ANTXRL: variants seen among roughly 807,000 people sequenced by gnomAD.
ANTXRL encodes anthrax toxin receptor-like.
ANTXRL carries 63 observed loss-of-function variants against 75.4 expected under a neutral mutation model. That is an observed-to-expected ratio of 0.84 (90% confidence interval 0.68 to 1.03). ANTXRL has a LOEUF of 1.03. ANTXRL is among the 50% of genes least tolerant of loss of function. ANTXRL has a pLI of 0.00. For missense variants in ANTXRL, 797 were observed against 789.4 expected, an observed-to-expected ratio of 1.01 and a Z score of -0.12; for synonymous variants, 335 against 291.3, an observed-to-expected ratio of 1.15 and a Z score of -1.53.
At chr10:46,293,273 TGTGTGA>T (rs1179147970) in intron 2 of ANTXRL, among the ~76,000 whole-genome samples, 14 of 95,158 alleles carry the variant, frequency 1.5e-4, no homozygotes, top group African/African-American at 4.5e-4. Flanking sequence ...TACCTGTGCG[TGTGTGA>T]GAGTGTGTGC....
chr10:46,298,613 G>A (rs1171122846), intron 9 of ANTXRL, among the ~76,000 whole-genome samples: 4 of 151,690 alleles, frequency 2.6e-5, no homozygotes, highest in African/African-American at 7.3e-5. Flanking sequence ...GTGGAAGGCT[G>A]CTGGTGTGTG....
Position 46,302,828 on chromosome 10 carries a change from G to T in ANTXRL, c.895+8G>T, listed in dbSNP as rs1190327582. ...ATGAAAGCACTATCATTGGTAAGTT[G>T]TCTCCTCTGTGCCTCTGAGTCACGT... On this transcript the variant is annotated splice_region_variant and intron_variant, in intron 10 of 16. Transcript: ENST00000620264. The T allele has an allele frequency of 7.9e-6, 12 of 1,519,554 alleles. No individual in the cohort carries two copies. The highest frequency in any genetic ancestry group is 1.4e-5 in the African/African-American group (1 of 72,562). The allele number at this position is 1,519,554 out of a possible 1,614,324, so 94.1% of individuals were successfully genotyped here. A position where few individuals can be genotyped will look rare whatever the true frequency, so the allele number is the denominator to read the frequency against.
chr10:46,319,315 A>G (rs1222754122), intron 16 of ANTXRL, among the ~76,000 whole-genome samples: 1 of 152,180 alleles, frequency 6.6e-6, no homozygotes, highest in Non-Finnish European at 1.5e-5. Context: ...ACAAGTCACA[A>G]CATCATGCCA....
rs1429955523 is a variant in ANTXRL, at chr10:46,329,811, G to C, written c.1623G>C (p.Arg541Ser). 1 of 1,532,530 alleles carries C rather than the reference G, an allele frequency of 6.5e-7. No homozygotes were observed. The highest frequency in any genetic ancestry group is 8.7e-7 in the Non-Finnish European group (1 of 1,145,692). The allele number at this position is 1,532,530 out of a possible 1,614,324, so 94.9% of individuals were successfully genotyped here. The change falls in exon 17 of 17, where the codon AGG becomes AGC. Residue 541 changes from arginine (R) to serine (S), a missense_variant. Arg to Ser is a moderately radical substitution (Grantham distance 110). Around this residue, in one of 3 missense-constraint regions of ANTXRL, gnomAD observed 479 missense variants for 422.0 expected, o/e 1.14. Transcript: ENST00000620264. ...NICLRHSQHS[R>S]ECLARKQAPC... Reference sequence around the variant, plus strand: ...GCCTGAGACACAGCCAACACAGCAGGGAGTGCCTTGCCCGCAAACAGGCTC... The same window carrying C: ...GCCTGAGACACAGCCAACACAGCAGCGAGTGCCTTGCCCGCAAACAGGCTC...
chr10:46,307,528 C>A, intron 12 of ANTXRL, 48 bp downstream of exon 12: 1 of 1,468,220 alleles, frequency 6.8e-7, no homozygotes, highest in Non-Finnish European at 9.2e-7. Flanking sequence ...CTGTCCAGAG[C>A]CTCTGCACTA....
In ANTXRL at chr10:46,293,893, T is replaced by G. The variant is rs1442434139; in HGVS notation, c.385T>G (p.Ser129Ala). ...TDGQTVLPLT[S>A]DKNRIKNGLD... Reference sequence around the variant, plus strand: ...CGGCCAGACTGTCTTGCCACTCACCTCAGACAAGTGAGTGCTGCTTTGAGC... The same window carrying G: ...CGGCCAGACTGTCTTGCCACTCACCGCAGACAAGTGAGTGCTGCTTTGAGC... Residue 129 changes from serine to alanine, a missense_variant, in exon 3 of 17, where the codon TCA (serine) becomes GCA (alanine). Physicochemically the swap from Ser to Ala is moderately conservative, Grantham distance 99. This residue lies in a region of ANTXRL where 262 missense variants were observed against 271.9 expected (regional missense o/e 0.96). Coordinates refer to ENST00000620264, the MANE Select transcript of ANTXRL (RefSeq NM_001278688.3). 82 of 1,535,392 alleles carry G rather than the reference T, an allele frequency of 5.3e-5. No homozygotes were observed. The highest frequency in any genetic ancestry group is 1.7e-4 in the Middle Eastern group (1 of 6,004).
At position 46,296,107 on chromosome 10, in the gene ANTXRL, AC is replaced by A; in HGVS notation, c.474+11del. ...GCAGGCAGGATTTAGAAAGGTATAGACCCCTTGATCTCCTAACCCTAACCCT... is the reference window on the plus strand; with the variant it reads ...GCAGGCAGGATTTAGAAAGGTATAGACCCTTGATCTCCTAACCCTAACCCT... On this transcript the variant is annotated splice_region_variant and intron_variant, in intron 4 of 16. Coordinates refer to ENST00000620264, the MANE Select transcript of ANTXRL (RefSeq NM_001278688.3). 3 of 1,535,568 alleles carry A rather than the reference AC, an allele frequency of 2.0e-6. No homozygotes were observed. Among genetic ancestry groups the A allele is most frequent in the Non-Finnish European group, 2.6e-6 (3 of 1,146,670 alleles).
At chr10:46,318,466 G>T (rs1326731834) in intron 16 of ANTXRL, among the ~76,000 whole-genome samples, 1 of 152,022 alleles carries the variant, frequency 6.6e-6, no homozygotes, top group Admixed American at 6.5e-5. Context: ...AAATTGTAAT[G>T]AAACATTTTT....
rs1323645073 is a variant in ANTXRL, at chr10:46,310,594, T to A, written c.1173+95T>A. 9.1e-6 allele frequency: 12 copies of A among 1,318,830 alleles called. No homozygotes were observed. The African/African-American group carries it at 1.3e-4, about 14-fold the overall frequency. 81.7% of individuals were successfully genotyped at this position (1,318,830 alleles called of 1,614,324 possible). On this transcript the variant is annotated intron_variant, in intron 14 of 16. Coordinates refer to ENST00000620264, the MANE Select transcript of ANTXRL (RefSeq NM_001278688.3). ...TGAAGCCTGCGCCCCATGATCTCCA[T>A]CTGCTTGAGCAGAGAAGTTGACAGA...
intron 10 of ANTXRL, among the ~76,000 whole-genome samples, chr10:46,304,676 C>T (rs1446256281): frequency 1.3e-5 from 2 of 152,160 alleles, no homozygotes; most frequent in Admixed American, 6.5e-5. Context: ...ACAAATGACT[C>T]CATTTTAATT....
At chr10:46,329,571 G>GA in intron 16 of ANTXRL, 28 bp from the exon 17 acceptor site, 1 of 1,528,014 alleles carries the variant, frequency 6.5e-7, no homozygotes, top group South Asian at 1.2e-5. Flanking sequence ...CCATCACGGT[G>GA]ACCTTCTCTC....
intron 9 of ANTXRL, among the ~76,000 whole-genome samples, chr10:46,302,469 G>C (rs1480174551): frequency 6.6e-6 from 1 of 152,152 alleles, no homozygotes; most frequent in African/African-American, 2.4e-5. Context: ...TTTCCTGAGC[G>C]TGTTGGTTCA....
In ANTXRL at chr10:46,297,853, C is replaced by G. The variant is rs1554959372; in HGVS notation, c.677C>G (p.Pro226Arg). Residue 226 changes from proline (P) to arginine (R), a missense_variant, in exon 8 of 17, where the codon CCT becomes CGT. Physicochemically the swap from Pro to Arg is moderately radical, Grantham distance 103. Coordinates refer to ENST00000620264, the MANE Select transcript of ANTXRL (RefSeq NM_001278688.3). Reference protein sequence around the residue: ...LDQITAIADSPGHVFAVENGF... With the variant: ...LDQITAIADSRGHVFAVENGF... Reference sequence around the variant, plus strand: ...TAGATAACAGCAATTGCAGACAGCCCTGGCCACGTGTTTGCAGTGGAGAAT... The same window carrying G: ...TAGATAACAGCAATTGCAGACAGCCGTGGCCACGTGTTTGCAGTGGAGAAT... 2.0e-6 allele frequency: 3 copies of G among 1,535,826 alleles called. No individual in the cohort carries two copies. The highest frequency in any genetic ancestry group is 2.6e-6 in the Non-Finnish European group (3 of 1,146,760).
At chr10:46,286,138 T>G (rs1554955079), upstream of ANTXRL, among the ~76,000 whole-genome samples, 1 of 152,142 alleles carries the variant, frequency 6.6e-6, no homozygotes, top group African/African-American at 2.4e-5. Flanking sequence ...GTCCACATTC[T>G]TTCCCTAGAG....
intron 15 of ANTXRL, among the ~76,000 whole-genome samples, chr10:46,312,431 C>T (rs1248157059): frequency 6.8e-6 from 1 of 147,134 alleles, no homozygotes; most frequent in Non-Finnish European, 1.5e-5. Flanking sequence ...GAGAGGGCGC[C>T]TGGGTGGCTG....
At chr10:46,325,536 A>G (rs1055051690) in intron 16 of ANTXRL, among the ~76,000 whole-genome samples, 1 of 152,082 alleles carries the variant, frequency 6.6e-6, no homozygotes, top group Non-Finnish European at 1.5e-5. Context: ...ATCCTGGCTT[A>G]TGGGTTTTAA....
chr10:46,329,583 C>G lies in ANTXRL; in HGVS notation c.1411-16C>G. 1 of 1,532,186 alleles carries G rather than the reference C, an allele frequency of 6.5e-7. No individual in the cohort carries two copies. The highest frequency in any genetic ancestry group is 8.7e-7 in the Non-Finnish European group (1 of 1,143,844). 94.9% of individuals were successfully genotyped at this position (1,532,186 alleles called of 1,614,324 possible). On this transcript the variant is annotated splice_polypyrimidine_tract_variant and intron_variant, in intron 16 of 16. Coordinates refer to ENST00000620264, the MANE Select transcript of ANTXRL (RefSeq NM_001278688.3). Reference sequence around the variant, plus strand: ...ATGCCATCACGGTGACCTTCTCTCTCTTCTCTTCCCTACAGGGGAGGTACC... The same window carrying G: ...ATGCCATCACGGTGACCTTCTCTCTGTTCTCTTCCCTACAGGGGAGGTACC...
chr10:46,287,058 C>G lies in ANTXRL; in HGVS notation c.-205C>G. ...GCCAGGCAGGTAGCTGGAAGCAAGT[C>G]TCCCAGAGCCAGCTGCTGACCCTAG... is the stretch of plus-strand genomic sequence containing the variant. On this transcript the variant is annotated 5_prime_UTR_variant, in exon 1 of 17. Transcript: ENST00000620264. 1.5e-6 allele frequency: 1 copy of G among 647,060 alleles called. No homozygotes were observed. Among genetic ancestry groups the G allele is most frequent in the South Asian group, 2.1e-5 (1 of 47,860 alleles). The allele number at this position is 647,060 out of a possible 1,614,324, so 40.1% of individuals were successfully genotyped here. A position where few individuals can be genotyped will look rare whatever the true frequency, so the allele number is the denominator to read the frequency against.
chr10:46,316,251 T>C (rs1275024094), intron 16 of ANTXRL, among the ~76,000 whole-genome samples: 2 of 152,064 alleles, frequency 1.3e-5, no homozygotes, highest in African/African-American at 4.8e-5. Flanking sequence ...AAACTGGATC[T>C]CATTTCATTC....
Sources: gnomAD v4.1 joint callset for allele counts (sites outside exome capture counted in the v4.1 genomes callset) on GRCh38, gnomAD v4.1.1 for gene constraint, gnomAD v4.1.1 regional missense constraint, MANE v1.5 for transcripts, NCBI Gene and HGNC (gene_info 2026-07-23, HGNC 2026-07-21) for gene names.